The following PAXIP1 variants were observed in gnomAD, a reference collection of about 807,000 sequenced individuals.
The protein encoded by PAXIP1 is PAX interacting protein 1.
In PAXIP1, 19 loss-of-function variants were observed where a neutral mutation model predicts 140.6. The observed-to-expected ratio is 0.14, with a 90% CI of 0.09 to 0.20. PAXIP1 has a LOEUF of 0.20. Among genes scored for constraint, PAXIP1 ranks in the 10% least tolerant of loss-of-function variants. The pLI is 1.00. For synonymous variants in PAXIP1, 442 were observed against 444.6 expected (o/e 0.99, Z 0.07); for missense variants, 920 against 1,208.6 (o/e 0.76, Z 3.54).
At chr7:154,947,857 T>A in intron 17 of PAXIP1, 46 bp downstream of exon 17, 1 of 1,320,132 alleles carries the variant, frequency 7.6e-7, no homozygotes, top group East Asian at 2.3e-5. Context: ...AGCAGGTCCG[T>A]GTGTTATGCT....
intron 6 of PAXIP1, among the ~76,000 whole-genome samples, chr7:154,970,193 T>C (rs1044564969): frequency 5.3e-5 from 8 of 152,224 alleles, no homozygotes; most frequent in Non-Finnish European, 8.8e-5. Context: ...TCAGTAAAAA[T>C]AGATTTTACT....
chr7:154,963,984 C>A lies in PAXIP1; in HGVS notation c.1894-218G>T. On this transcript the variant is annotated intron_variant, in intron 8 of 20. Transcript: ENST00000404141. The surrounding 1 kb of genome is among the most constrained non-coding windows in gnomAD (Gnocchi z 4.1). ...ATACTCTAAATTTAATCTGAATTCC[C>A]AGGATACAAGAGAAGAACAATGGAA... The A allele has an allele frequency of 1.9e-6, 1 of 524,588 alleles. No individual in the cohort carries two copies. The highest frequency in any genetic ancestry group is 3.5e-6 in the Non-Finnish European group (1 of 289,406). 32.5% of individuals were successfully genotyped at this position (524,588 alleles called of 1,614,324 possible).
chr7:154,956,160 C>G lies in PAXIP1; in HGVS notation c.2550-529G>C, dbSNP rs1265458985. Among the ~76,000 whole-genome samples the G allele has an allele frequency of 6.6e-6, 1 of 152,212 alleles. No homozygotes were observed. The highest frequency in any genetic ancestry group is 1.5e-5 in the Non-Finnish European group (1 of 68,042). ...CAAATTATAAAAACGTGGCTCTGCT[C>G]AAGCACACGTTTTAAATTAAACCTT... On this transcript the variant is annotated intron_variant, in intron 14 of 20. Coordinates refer to ENST00000404141, the MANE Select transcript of PAXIP1 (RefSeq NM_007349.4). The surrounding 1 kb of genome is among the most constrained non-coding windows in gnomAD (Gnocchi z 4.2).
At chr7:154,987,657 C>T (rs150361909) in intron 4 of PAXIP1, among the ~76,000 whole-genome samples, 3 of 152,336 alleles carry the variant, frequency 2.0e-5, no homozygotes, top group East Asian at 3.9e-4. Context: ...CAGGCTCCTC[C>T]CTATTTCCCA....
chr7:154,964,606 AATT>A (rs1051234391), intron 8 of PAXIP1: 1 of 152,220 alleles, frequency 6.6e-6, no homozygotes, highest in Non-Finnish European at 1.5e-5. Flanking sequence ...TTCCACTGAC[AATT>A]ATTAATATAT....
chr7:154,972,897 G>A (rs1407119911), intron 6 of PAXIP1, among the ~76,000 whole-genome samples: 1 of 152,198 alleles, frequency 6.6e-6, no homozygotes, highest in African/African-American at 2.4e-5. Context: ...CATTCTTTAT[G>A]GCCTTTACTT....
At chr7:154,972,759 T>C (rs993173612) in intron 6 of PAXIP1, among the ~76,000 whole-genome samples, 1 of 152,240 alleles carries the variant, frequency 6.6e-6, no homozygotes, top group Admixed American at 6.5e-5. Context: ...ACAGGACAGG[T>C]CCACTGCGTG....
intron 1 of PAXIP1, among the ~76,000 whole-genome samples, chr7:155,002,420 C>G (rs1253689536): frequency 6.6e-6 from 1 of 152,088 alleles, no homozygotes; most frequent in Admixed American, 6.5e-5. Context: ...GCGCGAGCTG[C>G]CCCGGCTGGG....
intron 8 of PAXIP1, among the ~76,000 whole-genome samples, chr7:154,966,327 G>A (rs906775696): frequency 1.3e-5 from 2 of 152,120 alleles, no homozygotes; most frequent in African/African-American, 4.8e-5. Context: ...GCTTGTCTTT[G>A]AGAGAAAACA....
At chr7:154,945,983 A>G (rs1807954605) in intron 20 of PAXIP1, 1 of 985,142 alleles carries the variant, frequency 1.0e-6, no homozygotes, top group Admixed American at 6.1e-5. Flanking sequence ...CCTGAGTACA[A>G]AGACTATATA....
At chr7:154,992,211 G>C (rs1810364046) in intron 3 of PAXIP1, among the ~76,000 whole-genome samples, 1 of 152,112 alleles carries the variant, frequency 6.6e-6, no homozygotes, top group Admixed American at 6.5e-5. Flanking sequence ...GGAGCGCAGT[G>C]GCACAATCTT....
chr7:154,992,363 A>G (rs1014954836), intron 3 of PAXIP1, among the ~76,000 whole-genome samples: 13 of 152,312 alleles, frequency 8.5e-5, no homozygotes, highest in African/African-American at 3.1e-4. Flanking sequence ...CCTTGCCAAC[A>G]TGGTGAAACC....
At position 154,968,885 on chromosome 7, in the gene PAXIP1, G is replaced by T; in HGVS notation, c.1316C>A (p.Pro439His). ...TGGATGCGGCGGCTGCTGGGGGTAA[G>T]GTTGCTGAGAGATCTGCTGCTGCTG... ...QQQQQQISQQ[P>H]YPQQPPHPFS... Residue 439 changes from proline (P) to histidine (H), a missense_variant, in exon 7 of 21, where the codon CCT (proline) becomes CAT (histidine). This residue lies in a region of PAXIP1 where 133 missense variants were observed against 88.4 expected (regional missense o/e 1.50). Coordinates refer to ENST00000404141, the MANE Select transcript of PAXIP1 (RefSeq NM_007349.4). 2 of 1,047,284 alleles carry T rather than the reference G, an allele frequency of 1.9e-6. No homozygotes were observed. The highest frequency in any genetic ancestry group is 2.9e-6 in the Non-Finnish European group (2 of 689,204). The allele number at this position is 1,047,284 out of a possible 1,614,324, so 64.9% of individuals were successfully genotyped here. A position where few individuals can be genotyped will look rare whatever the true frequency, so the allele number is the denominator to read the frequency against.
In PAXIP1 at chr7:154,968,496, G is replaced by C. The variant is rs1809128649; in HGVS notation, c.1705C>G (p.Pro569Ala). 1 of 993,714 alleles carries C rather than the reference G, an allele frequency of 1.0e-6. No individual in the cohort carries two copies. Among genetic ancestry groups the C allele is most frequent in the Non-Finnish European group, 1.6e-6 (1 of 637,254 alleles). The allele number at this position is 993,714 out of a possible 1,614,324, so 61.6% of individuals were successfully genotyped here. Residue 569 changes from proline to alanine, a missense_variant, in exon 7 of 21, where the codon CCA (proline) becomes GCA (alanine). Physicochemically the swap from Pro to Ala is conservative, Grantham distance 27 (BLOSUM62 -1). Coordinates refer to ENST00000404141, the MANE Select transcript of PAXIP1 (RefSeq NM_007349.4). ...QTSQALQHQV[P>A]PQQPPQQQQQ... ...TGCTGCTGCGGGGGCTGCTGAGGTG[G>C]AACCTGATGCTGCAGCGCCTGTGAC...
At chr7:154,952,617 T>C (rs781718469) in intron 16 of PAXIP1, among the ~76,000 whole-genome samples, 4 of 152,176 alleles carry the variant, frequency 2.6e-5, no homozygotes, top group Non-Finnish European at 4.4e-5. Context: ...ACAATATACA[T>C]TGAATAAGGT....
intron 5 of PAXIP1, among the ~76,000 whole-genome samples, chr7:154,981,045 C>T (rs1043878256): frequency 6.6e-6 from 1 of 151,822 alleles, no homozygotes; most frequent in Admixed American, 6.6e-5. Flanking sequence ...TGTGTGAACC[C>T]GGGAGATGGA....
At chr7:155,000,160 A>G (rs890082805) in intron 1 of PAXIP1, 1 of 151,960 alleles carries the variant, frequency 6.6e-6, no homozygotes, top group Non-Finnish European at 1.5e-5. Context: ...TCCAACCTCA[A>G]AAAAAAATAA....
Position 154,946,860 on chromosome 7 carries a change from A to T in PAXIP1, c.2923-47T>A, listed in dbSNP as rs776112228. ...TGTATTATGTTCTTAAAATGCTTTA[A>T]TTTTTAGAGTACATAATTCTCATAG... is the stretch of plus-strand genomic sequence containing the variant. On this transcript the variant is annotated intron_variant, in intron 17 of 20. Coordinates refer to ENST00000404141, the MANE Select transcript of PAXIP1 (RefSeq NM_007349.4). The surrounding 1 kb of genome is among the most constrained non-coding windows in gnomAD (Gnocchi z 4.9). 1.5e-6 allele frequency: 2 copies of T among 1,374,770 alleles called. No individual in the cohort carries two copies. Among genetic ancestry groups the T allele is most frequent in the Non-Finnish European group, 2.0e-6 (2 of 998,208 alleles). 85.2% of individuals were successfully genotyped at this position (1,374,770 alleles called of 1,614,324 possible).
intron 3 of PAXIP1, among the ~76,000 whole-genome samples, chr7:154,992,442 G>A (rs927167005): frequency 1.3e-5 from 2 of 152,080 alleles, no homozygotes; most frequent in African/African-American, 4.8e-5. Context: ...AGCTACTCAG[G>A]AGGCTGAGGC....
Sources: gnomAD v4.1 joint callset for allele counts (sites outside exome capture counted in the v4.1 genomes callset) on GRCh38, gnomAD v4.1.1 for gene constraint, gnomAD v4.1.1 regional missense constraint, Gnocchi (gnomAD v3.1) non-coding constraint, MANE v1.5 for transcripts, NCBI Gene and HGNC (gene_info 2026-07-23, HGNC 2026-07-21) for gene names.